Variants in SIPA1L2 observed in about 807,000 individuals in gnomAD.
SIPA1L2 encodes the protein signal induced proliferation associated 1 like 2.
SIPA1L2 carries 56 observed loss-of-function variants against 163.9 expected under a neutral mutation model. The ratio of observed to expected loss-of-function variants is 0.34; its 90% CI spans 0.28 to 0.43. The LOEUF (loss-of-function observed/expected upper bound fraction) is 0.43, where lower values mean the gene tolerates loss of function less well. Ranked by LOEUF, SIPA1L2 falls within the 20% of genes least tolerant of loss-of-function variation. The pLI is 1.00. For missense variants in SIPA1L2, 1,974 were observed against 2,193.5 expected, an observed-to-expected ratio of 0.90 and a Z score of 2.00; for synonymous variants, 877 against 865.7, an observed-to-expected ratio of 1.01 and a Z score of -0.23.
chr1:232,419,799 C>T (rs534868728), intron 18 of SIPA1L2, among the ~76,000 whole-genome samples: 1 of 152,282 alleles, frequency 6.6e-6, no homozygotes, highest in African/African-American at 2.4e-5. Flanking sequence ...CAAGAACAGC[C>T]TAACACAGAT....
At chr1:232,500,184 T>C (rs938065570) in intron 3 of SIPA1L2, among the ~76,000 whole-genome samples, 2 of 152,244 alleles carry the variant, frequency 1.3e-5, no homozygotes, top group Non-Finnish European at 2.9e-5. Context: ...TACTGCTTAT[T>C]GACAACGCAT....
chr1:232,564,164 GT>G (rs1659239498), intron 2 of SIPA1L2, among the ~76,000 whole-genome samples: 1 of 98,706 alleles, frequency 1.0e-5, no homozygotes, highest in African/African-American at 5.4e-5. Flanking sequence ...GTGTGTGTGT[GT>G]GTGTGTGTGT....
intron 1 of SIPA1L2, among the ~76,000 whole-genome samples, chr1:232,586,335 G>A (rs1276757823): frequency 6.6e-6 from 1 of 152,094 alleles, no homozygotes; most frequent in African/African-American, 2.4e-5. Context: ...CCACTACAAT[G>A]TATTTATTAA....
chr1:232,545,865 TTAAA>T (rs1209099887), intron 2 of SIPA1L2, among the ~76,000 whole-genome samples: 7 of 152,232 alleles, frequency 4.6e-5, no homozygotes, highest in Non-Finnish European at 1.0e-4. Context: ...TATTACTTCT[TTAAA>T]TAAGTTATAG....
intron 8 of SIPA1L2, 67 bp downstream of exon 8, chr1:232,471,304 T>A (rs12116796): frequency 0.25 from 368,207 of 1,501,238 alleles, 46,510 homozygotes; most frequent in Admixed American, 0.37. Context: ...AACAAAGATA[T>A]TTTTGGGAAA....
At chr1:232,494,032 G>A (rs953876844) in intron 3 of SIPA1L2, among the ~76,000 whole-genome samples, 1 of 152,116 alleles carries the variant, frequency 6.6e-6, no homozygotes, top group Non-Finnish European at 1.5e-5. Context: ...GTTTCCCTCC[G>A]TCTGGGAAAG....
chr1:232,585,374 T>C (rs1446386603), intron 1 of SIPA1L2, among the ~76,000 whole-genome samples: 1 of 152,142 alleles, frequency 6.6e-6, no homozygotes, highest in East Asian at 1.9e-4. Context: ...ATCTCATATA[T>C]GGAAATGGTC....
rs181044345 is a variant in SIPA1L2 at position 232,527,300 on chromosome 1, T to C, written c.-269-11692A>G. Among the ~76,000 whole-genome samples, 53 of 152,332 alleles carry C rather than the reference T, an allele frequency of 3.5e-4. No homozygotes were observed. In the East Asian group the frequency reaches 9.6e-3, roughly 28 times the overall value. On this transcript the variant is annotated intron_variant, in intron 2 of 22. Transcript: ENST00000674635. ...TGTCCCAGCTTTGTTGGCCAGCTCATTGGATTCTTCAGAAAACAAAGTTTC... is the reference window on the plus strand; with the variant it reads ...TGTCCCAGCTTTGTTGGCCAGCTCACTGGATTCTTCAGAAAACAAAGTTTC...
intron 1 of SIPA1L2, among the ~76,000 whole-genome samples, chr1:232,598,265 T>C (rs1050298136): frequency 6.8e-6 from 1 of 148,086 alleles, no homozygotes; most frequent in Non-Finnish European, 1.5e-5. Flanking sequence ...ATCAGCCGGG[T>C]GTGCTGGTGC....
chr1:232,533,004 C>T (rs967889949), intron 2 of SIPA1L2, among the ~76,000 whole-genome samples: 3 of 152,272 alleles, frequency 2.0e-5, no homozygotes, highest in East Asian at 3.9e-4. Context: ...CTTTAAATCC[C>T]GTCAGATTTT....
chr1:232,470,635 G>C (rs1186351926), intron 8 of SIPA1L2, among the ~76,000 whole-genome samples: 3 of 152,110 alleles, frequency 2.0e-5, no homozygotes, highest in Non-Finnish European at 4.4e-5. Context: ...AACTCCAATA[G>C]GTGTTTTACA....
intron 3 of SIPA1L2, among the ~76,000 whole-genome samples, chr1:232,503,357 CA>C (rs1478869472): frequency 2.0e-5 from 3 of 152,108 alleles, no homozygotes; most frequent in Non-Finnish European, 4.4e-5. Flanking sequence ...AAAATGGGGG[CA>C]GGGGTGGTAC....
intron 10 of SIPA1L2, among the ~76,000 whole-genome samples, chr1:232,452,478 G>A (rs1663640201): frequency 2.6e-5 from 4 of 152,060 alleles, no homozygotes; most frequent in Admixed American, 2.6e-4. Flanking sequence ...CAACTTCAGA[G>A]GCACCCAGGA....
Position 232,398,669 on chromosome 1 carries a change from A to C in SIPA1L2, c.*458T>G, listed in dbSNP as rs1197297792. 1 of 153,804 alleles carries C rather than the reference A, an allele frequency of 6.5e-6. No homozygotes were observed. Among genetic ancestry groups the C allele is most frequent in the Non-Finnish European group, 1.5e-5 (1 of 68,858 alleles). 9.5% of individuals were successfully genotyped at this position (153,804 alleles called of 1,614,324 possible). On this transcript the variant is annotated 3_prime_UTR_variant, in exon 23 of 23. Coordinates refer to ENST00000674635, the MANE Select transcript of SIPA1L2 (RefSeq NM_020808.5). ...AATAAAACTACTGTACATCCAAAAA[A>C]ATAGAGCACCTTTAACATTAAAGTA...
At position 232,598,472 on chromosome 1, in the gene SIPA1L2, A is replaced by C. The variant is rs576301492; in HGVS notation, c.-318-24250T>G. On this transcript the variant is annotated intron_variant, in intron 1 of 22. Transcript: ENST00000674635. ...AAAGACACCTGTTGTCTTTTGATTC[A>C]TCCATAAAGCATCAGAAATATACAA... Among the ~76,000 whole-genome samples, 223 of 152,320 alleles carry C rather than the reference A, an allele frequency of 1.5e-3. 1 individual carries two copies. The highest frequency in any genetic ancestry group is 5.2e-3 in the African/African-American group (216 of 41,574).
At chr1:232,445,341 A>G (rs1214255286) in intron 11 of SIPA1L2, among the ~76,000 whole-genome samples, 188 bp downstream of exon 11, 1 of 152,262 alleles carries the variant, frequency 6.6e-6, no homozygotes, top group Middle Eastern at 3.4e-3. Context: ...TACCAGCACC[A>G]TCTTGGGGCC....
At chr1:232,444,375 T>C (rs1034916197) in intron 11 of SIPA1L2, among the ~76,000 whole-genome samples, 1 of 152,188 alleles carries the variant, frequency 6.6e-6, no homozygotes, top group Non-Finnish European at 1.5e-5. Context: ...GCAGATCCCC[T>C]TCCTTCTACA....
intron 22 of SIPA1L2, among the ~76,000 whole-genome samples, chr1:232,401,421 T>A (rs1660332598): frequency 6.6e-6 from 1 of 152,142 alleles, no homozygotes; most frequent in African/African-American, 2.4e-5. Flanking sequence ...ACCCGGTTGG[T>A]TTACACGCTG....
intron 2 of SIPA1L2, among the ~76,000 whole-genome samples, chr1:232,533,306 A>T (rs1657099402): frequency 6.6e-6 from 1 of 152,236 alleles, no homozygotes; most frequent in African/African-American, 2.4e-5. Flanking sequence ...GTATGATTAA[A>T]CCATTAATTC....
Sources: gnomAD v4.1 joint callset for allele counts (sites outside exome capture counted in the v4.1 genomes callset) on GRCh38, gnomAD v4.1.1 for gene constraint, MANE v1.5 for transcripts, NCBI Gene and HGNC (gene_info 2026-07-23, HGNC 2026-07-21) for gene names.